Variants in CACNA2D3 observed in about 807,000 individuals in gnomAD.
CACNA2D3 encodes the protein voltage-dependent calcium channel subunit alpha-2/delta-3.
A neutral mutation model predicts 160.6 loss-of-function variants in CACNA2D3; 60 were observed. That is an observed-to-expected ratio of 0.37 (90% CI 0.30 to 0.46). The LOEUF (loss-of-function observed/expected upper bound fraction) is 0.46. Among genes scored for constraint, CACNA2D3 ranks in the 20% least tolerant of loss-of-function variants. The pLI is 1.00. For synonymous variants in CACNA2D3, 558 were observed against 492.9 expected (o/e 1.13, Z -1.75); for missense variants, 1,205 against 1,365.0 (o/e 0.88, Z 1.85).
At chr3:55,003,523 A>G (rs77355446) in intron 31 of CACNA2D3, among the ~76,000 whole-genome samples, 30,636 of 152,156 alleles carry the variant, frequency 0.2, 3,525 homozygotes, top group East Asian at 0.35. Flanking sequence ...CAGGGGAATC[A>G]TAGTAGAATG....
Position 54,603,378 on chromosome 3 carries a change from C to T in CACNA2D3, c.963+21501C>T, listed in dbSNP as rs376605756. ...ACCTACCAGGCTCTCTCAACCCCATCTATCCAACCCCTTTCTTTCTTTCAA... is the reference window on the plus strand; with the variant it reads ...ACCTACCAGGCTCTCTCAACCCCATTTATCCAACCCCTTTCTTTCTTTCAA... On this transcript the variant is annotated intron_variant, in intron 9 of 37. Transcript: ENST00000474759. Among the ~76,000 whole-genome samples, 5 of 152,356 alleles carry T rather than the reference C, an allele frequency of 3.3e-5. No homozygotes were observed. The East Asian group carries it at 5.8e-4, about 18-fold the overall frequency.
At chr3:54,247,272 C>T (rs1168837231) in intron 2 of CACNA2D3, among the ~76,000 whole-genome samples, 3 of 152,016 alleles carry the variant, frequency 2.0e-5, no homozygotes, top group Non-Finnish European at 2.9e-5. Flanking sequence ...CAAAATCATA[C>T]CATTGCACTT....
chr3:54,393,378 C>T (rs1405941122), intron 4 of CACNA2D3, among the ~76,000 whole-genome samples: 1 of 152,120 alleles, frequency 6.6e-6, no homozygotes, highest in African/African-American at 2.4e-5. Flanking sequence ...GGTACTGCAC[C>T]GTCTTTGAAC....
chr3:54,529,373 C>T (rs979867547), intron 5 of CACNA2D3, among the ~76,000 whole-genome samples: 5 of 152,200 alleles, frequency 3.3e-5, no homozygotes, highest in Admixed American at 1.3e-4. Flanking sequence ...CTGTATGCCT[C>T]GGACAAGTCA....
At chr3:54,770,068 C>T (rs1230609517) in intron 13 of CACNA2D3, among the ~76,000 whole-genome samples, 3 of 152,176 alleles carry the variant, frequency 2.0e-5, no homozygotes, top group Non-Finnish European at 4.4e-5. Context: ...ACCCTTTGCC[C>T]ATTTGCCCCG....
intron 2 of CACNA2D3, among the ~76,000 whole-genome samples, chr3:54,225,171 T>G (rs1031112416): frequency 6.6e-6 from 1 of 152,090 alleles, no homozygotes; most frequent in Non-Finnish European, 1.5e-5. Context: ...TTTTCATTGT[T>G]CAATTCCCAC....
intron 4 of CACNA2D3, among the ~76,000 whole-genome samples, chr3:54,470,735 A>C (rs1380141914): frequency 6.6e-6 from 1 of 152,206 alleles, no homozygotes; most frequent in African/African-American, 2.4e-5. Flanking sequence ...AAGCAAATGG[A>C]AAGCATGAAA....
chr3:54,254,582 A>G (rs1702258997), intron 2 of CACNA2D3, among the ~76,000 whole-genome samples: 1 of 152,176 alleles, frequency 6.6e-6, no homozygotes. Flanking sequence ...CCAAGTATGA[A>G]GATGGAGATG....
At chr3:54,192,153 G>C (rs1257802642) in intron 2 of CACNA2D3, among the ~76,000 whole-genome samples, 2 of 151,258 alleles carry the variant, frequency 1.3e-5, no homozygotes, top group Non-Finnish European at 2.9e-5. Context: ...GCAGTGCCAA[G>C]TGAATCAAGA....
At chr3:54,903,040 A>G (rs533646295) in intron 27 of CACNA2D3, among the ~76,000 whole-genome samples, 11 of 152,224 alleles carry the variant, frequency 7.2e-5, no homozygotes, top group African/African-American at 2.7e-4. Context: ...ATACCACAGA[A>G]TGAGTAATTT....
Position 54,879,037 on chromosome 3 carries a change from A to G in CACNA2D3, c.1730A>G (p.Asn577Ser). Residue 577 changes from asparagine (N) to serine (S), a missense_variant, in exon 19 of 38, where the codon AAT (asparagine) becomes AGT (serine). Physicochemically the swap from Asn to Ser is conservative, Grantham distance 46. Coordinates refer to ENST00000474759, the MANE Select transcript of CACNA2D3 (RefSeq NM_018398.3). ...RDDVLRNAMV[N>S]RKTGKFSMEV... ...TTTTAGTTGAGAAATGCTATGGTGA[A>G]TCGAAAGACGGGGAAGTTTTCCATG... 6.2e-7 allele frequency: 1 copy of G among 1,605,454 alleles called. No individual in the cohort carries two copies. The highest frequency in any genetic ancestry group is 8.5e-7 in the Non-Finnish European group (1 of 1,176,442).
At chr3:54,566,886 C>G (rs1426603612) in intron 6 of CACNA2D3, among the ~76,000 whole-genome samples, 1 of 152,194 alleles carries the variant, frequency 6.6e-6, no homozygotes, top group Non-Finnish European at 1.5e-5. Flanking sequence ...AGTTTGGACT[C>G]ATACATGCTG....
intron 16 of CACNA2D3, among the ~76,000 whole-genome samples, 160 bp downstream of exon 16, chr3:54,838,808 AG>A (rs1424445081): frequency 6.6e-6 from 1 of 152,076 alleles, no homozygotes; most frequent in Non-Finnish European, 1.5e-5. Context: ...GTTATTTAAA[AG>A]GTTTTTTTTT....
intron 14 of CACNA2D3, among the ~76,000 whole-genome samples, chr3:54,821,055 G>A (rs766864434): frequency 3.7e-4 from 56 of 152,164 alleles, no homozygotes; most frequent in Admixed American, 7.8e-4. Context: ...GTGGATGAAC[G>A]TGTCCAGACT....
chr3:54,686,900 T>C (rs1700457514), intron 11 of CACNA2D3, among the ~76,000 whole-genome samples: 1 of 152,038 alleles, frequency 6.6e-6, no homozygotes, highest in East Asian at 1.9e-4. Flanking sequence ...TGGTTAAGGG[T>C]GATATAAAAT....
At chr3:54,489,242 C>T (rs1701068261) in intron 4 of CACNA2D3, among the ~76,000 whole-genome samples, 1 of 152,178 alleles carries the variant, frequency 6.6e-6, no homozygotes, top group Non-Finnish European at 1.5e-5. Context: ...GTTGGTATTT[C>T]TGGAAGCTCG....
At chr3:54,478,347 C>T (rs1305116945) in intron 4 of CACNA2D3, among the ~76,000 whole-genome samples, 5 of 152,000 alleles carry the variant, frequency 3.3e-5, no homozygotes, top group Middle Eastern at 3.2e-3. Context: ...AAGTTTAAAA[C>T]TGCAGCCAGG....
rs1699533703 is a variant in CACNA2D3 at position 54,871,487 on chromosome 3, A to G, written c.1627-52A>G. ...GGGAAGGTAAAGATTGCCCTGGCTGATGACTTCACGGACTTTTGTTTTTCT... is the reference window on the plus strand; with the variant it reads ...GGGAAGGTAAAGATTGCCCTGGCTGGTGACTTCACGGACTTTTGTTTTTCT... On this transcript the variant is annotated intron_variant, in intron 17 of 37. Transcript: ENST00000474759. The G allele has an allele frequency of 2.9e-6, 4 of 1,396,352 alleles. No individual in the cohort carries two copies. The Admixed American group carries it at 5.1e-5, about 18-fold the overall frequency. The allele number at this position is 1,396,352 out of a possible 1,614,324, so 86.5% of individuals were successfully genotyped here.
At chr3:54,883,829 T>TCTCTCTCTCTCTCTCC (rs753661413) in intron 21 of CACNA2D3, among the ~76,000 whole-genome samples, 64 of 145,784 alleles carry the variant, frequency 4.4e-4, no homozygotes, top group African/African-American at 1.3e-3. Flanking sequence ...CTCTCCTCTC[T>TCTCTCTCTCTCTCTCC]CTCCCTTCAA....
Sources: gnomAD v4.1 joint callset for allele counts (sites outside exome capture counted in the v4.1 genomes callset) on GRCh38, gnomAD v4.1.1 for gene constraint, MANE v1.5 for transcripts, NCBI Gene and HGNC (gene_info 2026-07-23, HGNC 2026-07-21) for gene names.